TCF12: variants seen among roughly 807,000 people sequenced by gnomAD.
TCF12 encodes DNA-binding protein HTF4.
In TCF12, 45 loss-of-function variants were observed where a neutral mutation model predicts 86.0. The ratio of observed to expected loss-of-function variants is 0.52; its 90% CI spans 0.41 to 0.67. The LOEUF is 0.67. TCF12 is among the 30% of genes least tolerant of loss of function. The probability of loss-of-function intolerance (pLI) is 0.00; values close to 1 mark genes in which losing one functional copy is unlikely to be tolerated. For synonymous variants in TCF12, 330 were observed against 299.6 expected, an observed-to-expected ratio of 1.10 and a Z score of -1.05; for missense variants, 881 against 859.9, an observed-to-expected ratio of 1.02 and a Z score of -0.31.
chr15:57,231,236 G>A lies in TCF12; in HGVS notation c.664G>A (p.Ala222Thr), dbSNP rs146417513. The A allele has an allele frequency of 8.1e-6, 13 of 1,612,112 alleles. No homozygotes were observed. Among genetic ancestry groups the A allele is most frequent in the South Asian group, 2.2e-5 (2 of 91,032 alleles). The change falls in exon 9 of 21, where the codon GCT (alanine) becomes ACT (threonine). Residue 222 changes from alanine to threonine, a missense_variant. By Grantham distance (58) the Ala-to-Thr change is moderately conservative. Transcript: ENST00000333725. ...PSPKPPTSMFASTFFMQDGTH... is the reference protein window; with the variant it reads ...PSPKPPTSMFTSTFFMQDGTH... ...TCCTAAGCCACCAACCAGTATGTTC[G>A]CTAGCACTTTCTTTATGCAAGGTAA...
At chr15:57,150,243 T>A (rs1257702612) in intron 5 of TCF12, among the ~76,000 whole-genome samples, 1 of 152,178 alleles carries the variant, frequency 6.6e-6, no homozygotes, top group Non-Finnish European at 1.5e-5. Flanking sequence ...TGGTTCCAAG[T>A]CTTTGGCCAA....
rs757400383 is a variant in TCF12, at chr15:57,166,446, A to G, written c.370A>G (p.Thr124Ala). 3.7e-6 allele frequency: 6 copies of G among 1,612,850 alleles called. No homozygotes were observed. The South Asian group carries it at 4.4e-5, about 12-fold the overall frequency. The change falls in exon 6 of 21, where the codon ACT becomes GCT. Residue 124 changes from threonine (T) to alanine (A), a missense_variant. Physicochemically the swap from Thr to Ala is moderately conservative, Grantham distance 58. Around this residue, in one of 3 missense-constraint regions of TCF12, gnomAD observed 766 missense variants for 718.9 expected, o/e 1.07. Transcript: ENST00000333725. ...CTCATTTTCCCTGTACAGCAGAGAT[A>G]CTGGATTACCAGGCTGTCAAGTAAG... ...RGSFSLYSRD[T>A]GLPGCQSSLL...
intron 5 of TCF12, among the ~76,000 whole-genome samples, chr15:57,143,161 C>CAGA (rs2030686601): frequency 8.6e-6 from 1 of 116,804 alleles, no homozygotes; most frequent in African/African-American, 3.5e-5. Context: ...CCCCCCCCAC[C>CAGA]AAAAAAAAAA....
At chr15:57,156,100 A>G (rs2054092303) in intron 5 of TCF12, among the ~76,000 whole-genome samples, 1 of 152,196 alleles carries the variant, frequency 6.6e-6, no homozygotes, top group Non-Finnish European at 1.5e-5. Flanking sequence ...TCACAGCTAA[A>G]TGTCTCAAAA....
At chr15:57,055,471 A>G (rs1225223964) in intron 3 of TCF12, among the ~76,000 whole-genome samples, 1 of 152,192 alleles carries the variant, frequency 6.6e-6, no homozygotes, top group Non-Finnish European at 1.5e-5. Context: ...TACCAAAGTT[A>G]TACTGGTAAT....
chr15:57,163,173 C>CA (rs1433223084), intron 5 of TCF12, among the ~76,000 whole-genome samples: 2 of 147,974 alleles, frequency 1.4e-5, no homozygotes, highest in Non-Finnish European at 1.5e-5. Context: ...GACTCAGTCT[C>CA]AAAAAAAATA....
chr15:57,023,747 G>A lies in TCF12; in HGVS notation c.149-40003G>A, dbSNP rs139681173. Among the ~76,000 whole-genome samples, 519 of 152,250 alleles carry A rather than the reference G, an allele frequency of 3.4e-3. 1 individual carries two copies. The highest frequency in any genetic ancestry group is 6.7e-3 in the Admixed American group (102 of 15,294). On this transcript the variant is annotated intron_variant, in intron 3 of 20. Transcript: ENST00000333725. The stretch of plus-strand genomic sequence containing the variant: ...TGTGTGATTCTGAATTTATTTCTTT[G>A]CAAATACATTAGTTTTTGTTATAGT...
rs113729724 is a variant in TCF12 at position 57,169,556 on chromosome 15, A to C, written c.390+3090A>C. Reference sequence around the variant, plus strand: ...GGCTTATGAAAACATTTCAAAAAATAAATAAATAATTTTAAAGTTCTCAAT... The same window carrying C: ...GGCTTATGAAAACATTTCAAAAAATCAATAAATAATTTTAAAGTTCTCAAT... On this transcript the variant is annotated intron_variant, in intron 6 of 20. Transcript: ENST00000333725. Among the ~76,000 whole-genome samples the C allele has an allele frequency of 7.8e-4, 119 of 152,310 alleles. 4 individuals carry two copies. Among genetic ancestry groups the C allele is most frequent in the African/African-American group, 2.8e-3 (117 of 41,572 alleles).
Position 57,057,906 on chromosome 15 carries a change from A to G in TCF12, c.149-5844A>G, listed in dbSNP as rs138289781. ...TTAAAACTACGTTTGTAGTGCTTCTATGGAAGAAAACACTGGCATTGGTCT... is the reference window on the plus strand; with the variant it reads ...TTAAAACTACGTTTGTAGTGCTTCTGTGGAAGAAAACACTGGCATTGGTCT... On this transcript the variant is annotated intron_variant, in intron 3 of 20. Transcript: ENST00000333725. Among the ~76,000 whole-genome samples the G allele has an allele frequency of 5.7e-3, 869 of 152,310 alleles. 28 individuals are homozygous for G. Among genetic ancestry groups the G allele is most frequent in the Admixed American group, 0.05 (770 of 15,292 alleles).
chr15:56,999,073 C>T (rs928267457), intron 3 of TCF12, among the ~76,000 whole-genome samples: 2 of 151,972 alleles, frequency 1.3e-5, no homozygotes, highest in Non-Finnish European at 2.9e-5. Context: ...TGGCGGGCGC[C>T]TGTAGTCCCA....
intron 13 of TCF12, among the ~76,000 whole-genome samples, chr15:57,249,945 A>G (rs996593494): frequency 4.6e-5 from 7 of 152,178 alleles, no homozygotes; most frequent in African/African-American, 1.4e-4. Context: ...CAAGACCATT[A>G]AAACATTGCC....
intron 12 of TCF12, among the ~76,000 whole-genome samples, chr15:57,237,879 G>A (rs1312933648): frequency 6.6e-6 from 1 of 152,156 alleles, no homozygotes; most frequent in African/African-American, 2.4e-5. Context: ...GAAATGACCT[G>A]TGATCCAAAA....
Position 57,062,359 on chromosome 15 carries a change from T to C in TCF12, c.149-1391T>C, listed in dbSNP as rs74838565. Among the ~76,000 whole-genome samples the C allele has an allele frequency of 5.1e-3, 778 of 152,204 alleles. 15 individuals carry two copies. The highest frequency in any genetic ancestry group is 0.018 in the African/African-American group (745 of 41,540). On this transcript the variant is annotated intron_variant, in intron 3 of 20. Coordinates refer to ENST00000333725, the MANE Select transcript of TCF12 (RefSeq NM_207037.2). ...AGGAATGAACAAAACACTGTTCACG[T>C]AATCTCTGTGTTTTCAAAGCCTCTG... is the stretch of plus-strand genomic sequence containing the variant.
chr15:57,220,435 T>TC (rs2058536815), intron 8 of TCF12, among the ~76,000 whole-genome samples: 1 of 152,192 alleles, frequency 6.6e-6, no homozygotes, highest in Admixed American at 6.5e-5. Flanking sequence ...TGGGATACCA[T>TC]CTGTTTCCAA....
intron 5 of TCF12, among the ~76,000 whole-genome samples, chr15:57,150,310 A>G (rs1396641887): frequency 6.6e-6 from 1 of 152,204 alleles, no homozygotes; most frequent in Non-Finnish European, 1.5e-5. Context: ...AGACCAGGGA[A>G]AGCTCACACA....
chr15:57,149,251 T>C lies in TCF12; in HGVS notation c.326-17151T>C, dbSNP rs377151632. ...CCTGTGGTTATCTGTAGCATATATT[T>C]AGAGTATATGTATGTGGGCAAGGGT... On this transcript the variant is annotated intron_variant, in intron 5 of 20. Transcript: ENST00000333725. Among the ~76,000 whole-genome samples, 13 of 152,286 alleles carry C rather than the reference T, an allele frequency of 8.5e-5. No homozygotes were observed. The East Asian group carries it at 2.5e-3, about 29-fold the overall frequency.
At chr15:57,063,892 C>G in intron 4 of TCF12, 69 bp downstream of exon 4, 1 of 1,186,724 alleles carries the variant, frequency 8.4e-7, no homozygotes, top group Non-Finnish European at 1.2e-6. Context: ...TTCATATATG[C>G]TGTTTCTTAT....
chr15:57,075,555 G>A (rs2069816483), intron 4 of TCF12, among the ~76,000 whole-genome samples: 1 of 152,066 alleles, frequency 6.6e-6, no homozygotes, highest in Non-Finnish European at 1.5e-5. Flanking sequence ...TAAAAGCTAT[G>A]ATAAGGATGG....
At position 57,251,413 on chromosome 15, in the gene TCF12, T is replaced by TCCACTCCCTGGTAAG; in HGVS notation, c.1179_1188+5dup. 6.2e-7 allele frequency: 1 copy of TCCACTCCCTGGTAAG among 1,613,906 alleles called. No homozygotes were observed. Among genetic ancestry groups the TCCACTCCCTGGTAAG allele is most frequent in the East Asian group, 2.2e-5 (1 of 44,840 alleles). On this transcript the variant is annotated inframe_insertion, in exon 14 of 21. Coordinates refer to ENST00000333725, the MANE Select transcript of TCF12 (RefSeq NM_207037.2). ...TCATCCCCAAGCTATGAAAACTCACTCCACTCCCTGGTAAGAGCCTCTTAT... is the reference window on the plus strand; with the variant it reads ...TCATCCCCAAGCTATGAAAACTCACTCCACTCCCTGGTAAGCCACTCCCTGGTAAGAGCCTCTTAT...
Sources: gnomAD v4.1 joint callset for allele counts (sites outside exome capture counted in the v4.1 genomes callset) on GRCh38, gnomAD v4.1.1 for gene constraint, gnomAD v4.1.1 regional missense constraint, MANE v1.5 for transcripts, NCBI Gene and HGNC (gene_info 2026-07-23, HGNC 2026-07-21) for gene names.